ATP8A2: variants seen among roughly 807,000 people sequenced by gnomAD.
The protein encoded by ATP8A2 is ATPase phospholipid transporting 8A2.
In ATP8A2, 100 loss-of-function variants were observed where a neutral mutation model predicts 165.6. The ratio of observed to expected loss-of-function variants is 0.60; its 90% CI spans 0.51 to 0.71. ATP8A2 has a LOEUF of 0.71. Ranked by LOEUF, ATP8A2 falls within the 30% of genes least tolerant of loss-of-function variation. The probability of loss-of-function intolerance (pLI) is 0.00; values close to 1 mark genes in which losing one functional copy is unlikely to be tolerated. For synonymous variants in ATP8A2, 543 were observed against 548.8 expected (o/e 0.99, Z 0.15); for missense variants, 1,227 against 1,479.5 (o/e 0.83, Z 2.80).
chr13:25,707,738 A>G (rs985521085), intron 25 of ATP8A2, among the ~76,000 whole-genome samples: 2 of 152,178 alleles, frequency 1.3e-5, no homozygotes, highest in Admixed American at 6.5e-5. Context: ...AATTATTACC[A>G]TATCATTTTG....
intron 2 of ATP8A2, among the ~76,000 whole-genome samples, chr13:25,479,569 T>G (rs1311782547): frequency 1.3e-5 from 2 of 151,984 alleles, no homozygotes; most frequent in African/African-American, 2.4e-5. Flanking sequence ...AGGACAATAG[T>G]GGAGGGAAGG....
intron 33 of ATP8A2, among the ~76,000 whole-genome samples, chr13:25,920,772 T>C (rs1954426279): frequency 6.6e-6 from 1 of 152,344 alleles, no homozygotes; most frequent in African/African-American, 2.4e-5. Flanking sequence ...TACTTATTTA[T>C]GATCTGAGAA....
chr13:25,621,042 C>T (rs755104930), intron 24 of ATP8A2, among the ~76,000 whole-genome samples: 38 of 152,124 alleles, frequency 2.5e-4, no homozygotes, highest in Middle Eastern at 3.4e-3. Flanking sequence ...TTGATGTTGC[C>T]GTTGGGCCTC....
chr13:25,891,805 G>C (rs901699967), intron 33 of ATP8A2, among the ~76,000 whole-genome samples: 1 of 152,014 alleles, frequency 6.6e-6, no homozygotes, highest in African/African-American at 2.4e-5. Flanking sequence ...TTTGGGTAAA[G>C]GACAAAAAGC....
chr13:25,994,663 C>T (rs752162694), intron 35 of ATP8A2, among the ~76,000 whole-genome samples: 1 of 151,884 alleles, frequency 6.6e-6, no homozygotes, highest in Non-Finnish European at 1.5e-5. Flanking sequence ...TTCTCTTTAG[C>T]CTGTTAACAT....
chr13:25,411,701 A>G (rs1440367809), intron 1 of ATP8A2, among the ~76,000 whole-genome samples: 2 of 152,222 alleles, frequency 1.3e-5, no homozygotes, highest in South Asian at 2.1e-4. Flanking sequence ...GTGTACACAT[A>G]CATACACATA....
intron 2 of ATP8A2, among the ~76,000 whole-genome samples, chr13:25,523,327 C>T (rs2037732520): frequency 1.4e-5 from 2 of 147,552 alleles, no homozygotes; most frequent in Non-Finnish European, 3.0e-5. Context: ...GGCTGGAGTG[C>T]AGTGCCGCAA....
chr13:25,657,373 C>T (rs1018087058), intron 24 of ATP8A2, among the ~76,000 whole-genome samples: 1 of 152,162 alleles, frequency 6.6e-6, no homozygotes, highest in African/African-American at 2.4e-5. Context: ...CCCGGGGTCC[C>T]TCTCCGTGAA....
chr13:25,800,028 A>G (rs973797974), intron 27 of ATP8A2, among the ~76,000 whole-genome samples: 1 of 152,190 alleles, frequency 6.6e-6, no homozygotes, highest in Non-Finnish European at 1.5e-5. Flanking sequence ...TGGGCCTTTT[A>G]ATGTACCGTC....
intron 30 of ATP8A2, among the ~76,000 whole-genome samples, chr13:25,845,452 A>G (rs1007268144): frequency 5.3e-5 from 8 of 152,120 alleles, no homozygotes; most frequent in African/African-American, 1.9e-4. Context: ...GCTCCTAAAA[A>G]CATTTGTTCT....
intron 1 of ATP8A2, among the ~76,000 whole-genome samples, chr13:25,456,560 A>G (rs2035368477): frequency 6.6e-6 from 1 of 152,188 alleles, no homozygotes; most frequent in South Asian, 2.1e-4. Flanking sequence ...CGACAAGGGA[A>G]GACATCTCAG....
At chr13:25,866,207 G>T (rs141142242) in intron 33 of ATP8A2, among the ~76,000 whole-genome samples, 1 of 152,124 alleles carries the variant, frequency 6.6e-6, no homozygotes, top group Non-Finnish European at 1.5e-5. Context: ...TCAAAAGTCC[G>T]GAGACCTGGC....
intron 2 of ATP8A2, among the ~76,000 whole-genome samples, chr13:25,484,521 T>G (rs12872089): frequency 1.3e-5 from 2 of 151,962 alleles, no homozygotes; most frequent in Non-Finnish European, 2.9e-5. Context: ...TTATTTTAAA[T>G]TTTTTCTTTT....
At chr13:25,775,662 A>G (rs1351758328) in intron 27 of ATP8A2, among the ~76,000 whole-genome samples, 1 of 152,232 alleles carries the variant, frequency 6.6e-6, no homozygotes. Context: ...GTGGGATTAC[A>G]GCCCTGCTAT....
intron 33 of ATP8A2, among the ~76,000 whole-genome samples, chr13:25,960,895 C>T (rs944445751): frequency 6.6e-6 from 1 of 152,186 alleles, no homozygotes; most frequent in African/African-American, 2.4e-5. Context: ...CTTTATCCTT[C>T]CACTTGGAAT....
intron 25 of ATP8A2, among the ~76,000 whole-genome samples, chr13:25,763,379 C>T (rs1219235859): frequency 6.6e-6 from 1 of 152,190 alleles, no homozygotes; most frequent in Admixed American, 6.5e-5. Flanking sequence ...GGCACACTCT[C>T]TTGCAGCTTC....
chr13:25,816,437 G>A (rs540697586), intron 27 of ATP8A2, among the ~76,000 whole-genome samples: 12 of 152,164 alleles, frequency 7.9e-5, no homozygotes, highest in African/African-American at 1.4e-4. Flanking sequence ...CCTTCTCCCC[G>A]CACCCAGTTG....
chr13:25,568,949 A>T (rs556588239), intron 16 of ATP8A2, among the ~76,000 whole-genome samples: 1 of 152,216 alleles, frequency 6.6e-6, no homozygotes. Context: ...ATTTAAAAAA[A>T]ATCTTCATGG....
At chr13:25,869,112 A>G (rs1448682073) in intron 33 of ATP8A2, among the ~76,000 whole-genome samples, 1 of 152,102 alleles carries the variant, frequency 6.6e-6, no homozygotes, top group Non-Finnish European at 1.5e-5. Flanking sequence ...TTGGTAATAA[A>G]GAAAAATCAG....
Sources: allele counts gnomAD v4.1 joint callset (sites outside exome capture counted in the v4.1 genomes callset), GRCh38; gene constraint gnomAD v4.1.1; transcripts MANE v1.5; gene names NCBI Gene and HGNC (gene_info 2026-07-23, HGNC 2026-07-21).